The following USP6NL variants were observed in gnomAD, a reference collection of about 807,000 sequenced individuals.
The protein encoded by USP6NL is USP6 N-terminal like.
Under a neutral mutation model 61.9 loss-of-function variants are expected in USP6NL, and 26 were observed. The observed-to-expected ratio is 0.42, with a 90% CI of 0.31 to 0.58. USP6NL has a LOEUF of 0.58. Among genes scored for constraint, USP6NL ranks in the 20% least tolerant of loss-of-function variants. The pLI, the probability that USP6NL is intolerant of heterozygous loss-of-function variation, is 0.16. For missense variants in USP6NL, 1,114 were observed against 1,034.3 expected, an observed-to-expected ratio of 1.08 and a Z score of -1.06; for synonymous variants, 432 against 390.1, an observed-to-expected ratio of 1.11 and a Z score of -1.27.
At chr10:11,556,309 G>C (rs184541824) in intron 2 of USP6NL, among the ~76,000 whole-genome samples, 2 of 152,148 alleles carry the variant, frequency 1.3e-5, no homozygotes, top group Non-Finnish European at 2.9e-5. Context: ...TTTATAACAG[G>C]TATGAGAATA....
chr10:11,483,144 C>T (rs1461415363), intron 13 of USP6NL, among the ~76,000 whole-genome samples: 4 of 152,218 alleles, frequency 2.6e-5, no homozygotes, highest in Admixed American at 2.6e-4. Context: ...GCCACCCTTC[C>T]ATTTCGGAAG....
rs1424967485 is a variant in USP6NL at position 11,525,465 on chromosome 10, G to A, written c.76C>T (p.Arg26Ter). 3 of 1,579,470 alleles carry A rather than the reference G, an allele frequency of 1.9e-6. No individual in the cohort carries two copies. Among genetic ancestry groups the A allele is most frequent in the Non-Finnish European group, 2.6e-6 (3 of 1,169,674 alleles). The change falls in exon 4 of 15, where the codon CGA becomes TGA. Residue 26 changes from arginine to a stop codon, truncating the protein, a stop_gained. Coordinates refer to ENST00000609104, the MANE Select transcript of USP6NL (RefSeq NM_014688.5). LOFTEE classifies it high-confidence loss of function. The surrounding 1 kb of genome is among the most constrained non-coding windows in gnomAD (Gnocchi z 5.0). The stretch of plus-strand genomic sequence containing the variant: ...CAAGGTTCAATCTCTGCACCTTCTC[G>A]TCCCTAAAATAAGGCACAAAAAAAG... ...AEIVAKYDRG[R>*]EGAEIEPWED...
At position 11,597,303 on chromosome 10, in the gene USP6NL, TG is replaced by T. The variant is rs1308690033; in HGVS notation, c.4+327del. ...CACACAATAAAATCTCTACTAATTA[TG>T]GTCAACTGCAATGTTCCCTATTCAT... On this transcript the variant is annotated intron_variant, in intron 2 of 14. Coordinates refer to ENST00000609104, the MANE Select transcript of USP6NL (RefSeq NM_014688.5). This position sits in a 1 kb window ranked among gnomAD's most constrained non-coding sequence, Gnocchi z 4.6. 6.6e-6 allele frequency among the ~76,000 whole-genome samples: 1 copy of T among 152,218 alleles called. No individual in the cohort carries two copies. Among genetic ancestry groups the T allele is most frequent in the African/African-American group, 2.4e-5 (1 of 41,440 alleles).
chr10:11,559,060 A>G (rs1295851126), intron 2 of USP6NL, among the ~76,000 whole-genome samples: 1 of 152,224 alleles, frequency 6.6e-6, no homozygotes, highest in African/African-American at 2.4e-5. Flanking sequence ...TATCGGAAAC[A>G]AGACCCTGCA....
rs569971806 is a variant in USP6NL at position 11,497,625 on chromosome 10, A to G, written c.384+3476T>C. Among the ~76,000 whole-genome samples the G allele has an allele frequency of 2.6e-5, 4 of 152,290 alleles. No homozygotes were observed. The South Asian group carries it at 8.3e-4, about 32-fold the overall frequency. ...GCATCTATAGTATCAGTTCCTCCAG[A>G]GGACAAGAAAATCCATCATAAAAAA... On this transcript the variant is annotated intron_variant, in intron 7 of 14. Transcript: ENST00000609104.
chr10:11,549,884 A>G (rs1176481858), intron 2 of USP6NL, among the ~76,000 whole-genome samples: 1 of 152,224 alleles, frequency 6.6e-6, no homozygotes, highest in Non-Finnish European at 1.5e-5. Flanking sequence ...TAAATTATAT[A>G]GTACTCAAGA....
At chr10:11,566,591 A>G (rs1837167129) in intron 2 of USP6NL, among the ~76,000 whole-genome samples, 1 of 152,216 alleles carries the variant, frequency 6.6e-6, no homozygotes, top group Admixed American at 6.5e-5. Flanking sequence ...CGAGAGCTGA[A>G]CTCGGGCAAT....
chr10:11,546,864 T>C (rs1387540264), intron 2 of USP6NL, among the ~76,000 whole-genome samples: 1 of 152,206 alleles, frequency 6.6e-6, no homozygotes, highest in East Asian at 1.9e-4. Context: ...GAAAATGTGG[T>C]TTCTTTATTG....
intron 2 of USP6NL, among the ~76,000 whole-genome samples, chr10:11,545,070 C>T (rs989949960): frequency 6.6e-6 from 1 of 152,122 alleles, no homozygotes; most frequent in African/African-American, 2.4e-5. Context: ...TTTAGTACAT[C>T]CTGAACTTTT....
In USP6NL at chr10:11,589,331, A is replaced by G. The variant is rs564631110; in HGVS notation, c.4+8300T>C. 6.6e-6 allele frequency among the ~76,000 whole-genome samples: 1 copy of G among 152,230 alleles called. No individual in the cohort carries two copies. Among genetic ancestry groups the G allele is most frequent in the South Asian group, 2.1e-4 (1 of 4,832 alleles). ...AATTAAATTCAATATCTGCTGTACCATAATTGTCAAAAGTAAACAGTTTGC... is the reference window on the plus strand; with the variant it reads ...AATTAAATTCAATATCTGCTGTACCGTAATTGTCAAAAGTAAACAGTTTGC... On this transcript the variant is annotated intron_variant, in intron 2 of 14. Transcript: ENST00000609104. This position sits in a 1 kb window ranked among gnomAD's most constrained non-coding sequence, Gnocchi z 4.7.
At chr10:11,554,554 T>A (rs575618974) in intron 2 of USP6NL, among the ~76,000 whole-genome samples, 2 of 152,304 alleles carry the variant, frequency 1.3e-5, no homozygotes, top group East Asian at 3.9e-4. Flanking sequence ...CTAGGATCAA[T>A]GGAGAACCAG....
intron 5 of USP6NL, 77 bp from the exon 6 acceptor site, chr10:11,509,752 G>A (rs1022947116): frequency 5.6e-6 from 7 of 1,257,356 alleles, no homozygotes; most frequent in Non-Finnish European, 5.5e-6. Flanking sequence ...CAAAGAAAAT[G>A]CTTCTAAAAA....
chr10:11,486,285 T>C (rs1448462013), intron 10 of USP6NL, among the ~76,000 whole-genome samples: 3 of 152,132 alleles, frequency 2.0e-5, no homozygotes, highest in African/African-American at 7.2e-5. Flanking sequence ...CATTTTGTTT[T>C]ACTCTTAATA....
In USP6NL at chr10:11,496,132, C is replaced by T. The variant is rs1542129; in HGVS notation, c.385-2904G>A. Among the ~76,000 whole-genome samples the T allele has an allele frequency of 0.097, 14,732 of 152,286 alleles. 821 individuals are homozygous for T. Among genetic ancestry groups the T allele is most frequent in the South Asian group, 0.19 (924 of 4,832 alleles). ...CCTCTGCTTTCATGACAGCAGCTCA[C>T]CCTCAGCAAGGTCTGCGTTTTCCCT... On this transcript the variant is annotated intron_variant, in intron 7 of 14. Transcript: ENST00000609104. The surrounding 1 kb of genome is among the most constrained non-coding windows in gnomAD (Gnocchi z 5.4).
chr10:11,499,618 C>G lies in USP6NL; in HGVS notation c.384+1483G>C, dbSNP rs1363518410. Among the ~76,000 whole-genome samples the G allele has an allele frequency of 1.3e-5, 2 of 152,120 alleles. No individual in the cohort carries two copies. The highest frequency in any genetic ancestry group is 4.8e-5 in the African/African-American group (2 of 41,428). Reference sequence around the variant, plus strand: ...ATCAGGAAAGACAGACACACATTCACAGGAGGGAGGATAGCCAGGTGATAA... The same window carrying G: ...ATCAGGAAAGACAGACACACATTCAGAGGAGGGAGGATAGCCAGGTGATAA... On this transcript the variant is annotated intron_variant, in intron 7 of 14. Transcript: ENST00000609104. This position sits in a 1 kb window ranked among gnomAD's most constrained non-coding sequence, Gnocchi z 4.5.
chr10:11,535,667 C>G (rs11257158), intron 2 of USP6NL, among the ~76,000 whole-genome samples: 30,265 of 152,186 alleles, frequency 0.2, 3,367 homozygotes, highest in South Asian at 0.25. Flanking sequence ...CGAATTCAGA[C>G]AGCAAATGCT....
chr10:11,524,358 C>T (rs1199357953), intron 4 of USP6NL, among the ~76,000 whole-genome samples: 1 of 152,148 alleles, frequency 6.6e-6, no homozygotes, highest in Non-Finnish European at 1.5e-5. Context: ...GCCTCAAATA[C>T]ACCTGAAGAT....
intron 2 of USP6NL, among the ~76,000 whole-genome samples, chr10:11,554,167 A>G (rs78608373): frequency 0.011 from 1,717 of 152,306 alleles, 33 homozygotes; most frequent in African/African-American, 0.037. Context: ...CAGAGTACAC[A>G]CAGAAGAAAG....
intron 2 of USP6NL, among the ~76,000 whole-genome samples, chr10:11,570,681 C>T (rs1473128870): frequency 1.3e-5 from 2 of 152,180 alleles, no homozygotes; most frequent in East Asian, 3.8e-4. Flanking sequence ...AAAGCAGGAT[C>T]TTCAGTAACA....
Sources: allele counts gnomAD v4.1 joint callset (sites outside exome capture counted in the v4.1 genomes callset), GRCh38; gene constraint gnomAD v4.1.1; non-coding constraint Gnocchi (gnomAD v3.1); transcripts MANE v1.5; gene names NCBI Gene and HGNC (gene_info 2026-07-23, HGNC 2026-07-21).